The following FAM228B variants were observed in gnomAD, a reference collection of about 807,000 sequenced individuals.
The protein encoded by FAM228B is family with sequence similarity 228 member B, also known as protein FAM228B.
Under a neutral mutation model 42.6 loss-of-function variants are expected in FAM228B, and 38 were observed. The ratio of observed to expected loss-of-function variants is 0.89; its 90% CI spans 0.69 to 1.17. The LOEUF is 1.17. Among genes scored for constraint, FAM228B ranks in the 50% most tolerant of loss-of-function variants. The pLI is 0.00. For synonymous variants in FAM228B, 109 were observed against 122.3 expected, an observed-to-expected ratio of 0.89 and a Z score of 0.72; for missense variants, 344 against 367.3, an observed-to-expected ratio of 0.94 and a Z score of 0.52.
chr2:24,125,163 G>A (rs116475795), intron 2 of FAM228B, among the ~76,000 whole-genome samples: 4,407 of 152,218 alleles, frequency 0.029, 83 homozygotes, highest in African/African-American at 0.055. Context: ...GGTCGCTTGA[G>A]CCCAGGAGTT....
chr2:24,118,968 T>C (rs1666012365), upstream of FAM228B, among the ~76,000 whole-genome samples: 2 of 152,216 alleles, frequency 1.3e-5, no homozygotes, highest in African/African-American at 4.8e-5. Flanking sequence ...CAATTTACCA[T>C]TTATTAAGCT....
intron 7 of FAM228B, among the ~76,000 whole-genome samples, chr2:24,157,759 C>T (rs201506300): frequency 2.5e-4 from 2 of 8,026 alleles, no homozygotes; most frequent in African/African-American, 2.7e-4. Flanking sequence ...AAATTAATAT[C>T]CCAAGCCATA....
chr2:24,161,744 C>A, intron 8 of FAM228B, 131 bp downstream of exon 8: 1 of 638,828 alleles, frequency 1.6e-6, no homozygotes. Context: ...GGCAGGACAC[C>A]GGGCATCTCC....
At position 24,080,173 on chromosome 2, in the gene FAM228B, A is replaced by G. The variant is rs965530400; in HGVS notation, c.-289-703A>G. On this transcript the variant is annotated intron_variant, in intron 1 of 10. Transcript: ENST00000613899. This position sits in a 1 kb window ranked among gnomAD's most constrained non-coding sequence, Gnocchi z 4.7. ...GGAGTTCGAGACCAGCCTGGCCAAC[A>G]TAGTGAAAGCCCGTCTCTACTAAAA... 6.6e-6 allele frequency among the ~76,000 whole-genome samples: 1 copy of G among 152,138 alleles called. No individual in the cohort carries two copies. The highest frequency in any genetic ancestry group is 1.5e-5 in the Non-Finnish European group (1 of 68,016).
rs35038662 is a variant in FAM228B at position 24,115,907 on chromosome 2, CAA to C, written c.-120-19195_-120-19194del. Among the ~76,000 whole-genome samples, 946 of 116,980 alleles carry C rather than the reference CAA, an allele frequency of 8.1e-3. 5 individuals carry two copies. Among genetic ancestry groups the C allele is most frequent in the African/African-American group, 0.021 (630 of 30,530 alleles). The allele number at this position is 116,980 out of a possible 152,430, so 76.7% of individuals were successfully genotyped here. The stretch of plus-strand genomic sequence containing the variant: ...CTGGAGTATGAATTGGGTTCCCATG[CAA>C]AAAAAAAAAAAAAAAAGGATGAATA... On this transcript the variant is annotated intron_variant, in intron 3 of 10. Coordinates refer to the FAM228B transcript ENST00000613899.
At chr2:24,152,150 T>C (rs1042409543) in intron 7 of FAM228B, among the ~76,000 whole-genome samples, 5 of 152,242 alleles carry the variant, frequency 3.3e-5, no homozygotes, top group African/African-American at 1.2e-4. Context: ...ATTACAGGCA[T>C]GAGCCACCAC....
intron 3 of FAM228B, among the ~76,000 whole-genome samples, chr2:24,101,768 C>G (rs934454871): frequency 9.2e-5 from 14 of 152,270 alleles, no homozygotes; most frequent in African/African-American, 3.4e-4. Context: ...CTGCAAGCTC[C>G]GCCTCCCAGA....
chr2:24,093,406 GT>G (rs1558367991), intron 2 of FAM228B, among the ~76,000 whole-genome samples: 1 of 151,944 alleles, frequency 6.6e-6, no homozygotes, highest in Non-Finnish European at 1.5e-5. Flanking sequence ...GCGCTATTTG[GT>G]TTTCTCTTCC....
intron 7 of FAM228B, among the ~76,000 whole-genome samples, chr2:24,149,622 G>A (rs569376546): frequency 1.2e-4 from 19 of 152,116 alleles, no homozygotes; most frequent in African/African-American, 4.3e-4. Context: ...TAGTAGAGAC[G>A]GGGTTTCACC....
upstream of FAM228B, among the ~76,000 whole-genome samples, chr2:24,120,769 G>A (rs1168850791): frequency 6.6e-6 from 1 of 151,962 alleles, no homozygotes; most frequent in African/African-American, 2.4e-5. Flanking sequence ...TAGCTAGGCT[G>A]GTCTTGAACT....
chr2:24,116,182 G>T (rs1224503587), intron 3 of FAM228B, among the ~76,000 whole-genome samples: 3 of 151,996 alleles, frequency 2.0e-5, no homozygotes, highest in Non-Finnish European at 4.4e-5. Flanking sequence ...CAAAAAATTA[G>T]CCAGGCATGG....
intron 10 of FAM228B, chr2:24,167,898 C>T (rs2151034813): frequency 2.1e-6 from 1 of 475,862 alleles, no homozygotes; most frequent in East Asian, 3.5e-5. Context: ...TGGTTTTTCT[C>T]ATGGGGCACT....
At chr2:24,120,283 C>A (rs537049792), upstream of FAM228B, among the ~76,000 whole-genome samples, 79 of 150,952 alleles carry the variant, frequency 5.2e-4, no homozygotes, top group East Asian at 0.013. Context: ...AAAAAAACAA[C>A]AACAAAACAA....
chr2:24,098,447 G>T (rs1043549822), intron 3 of FAM228B, among the ~76,000 whole-genome samples: 6 of 152,104 alleles, frequency 3.9e-5, no homozygotes, highest in Non-Finnish European at 7.4e-5. Context: ...TGATAAAGGG[G>T]ATATCACCAC....
upstream of FAM228B, chr2:24,122,574 A>G: frequency 7.1e-7 from 1 of 1,413,916 alleles, no homozygotes; most frequent in Non-Finnish European, 1.0e-6. Flanking sequence ...AGTTGAAGCC[A>G]TTGACTCTGG....
rs766577650 is a variant in FAM228B, at chr2:24,084,128, G to A, written c.-210+3173G>A. ...TTCACGTCTGGTCAATGTCCACTGA[G>A]TGCTGTTGAGAGGGAGGCTCTGGAG... On this transcript the variant is annotated intron_variant, in intron 2 of 10. Transcript: ENST00000613899. This position sits in a 1 kb window ranked among gnomAD's most constrained non-coding sequence, Gnocchi z 8.4. 11 of 1,556,848 alleles carry A rather than the reference G, an allele frequency of 7.1e-6. No individual in the cohort carries two copies. Among genetic ancestry groups the A allele is most frequent in the Middle Eastern group, 2.3e-4 (1 of 4,402 alleles).
At chr2:24,101,100 C>G (rs1165419403) in intron 3 of FAM228B, among the ~76,000 whole-genome samples, 1 of 152,086 alleles carries the variant, frequency 6.6e-6, no homozygotes, top group East Asian at 1.9e-4. Context: ...ACATCACACA[C>G]CAGGGCCTGT....
intron 7 of FAM228B, among the ~76,000 whole-genome samples, chr2:24,147,413 T>C (rs1327285206): frequency 1.3e-5 from 2 of 152,128 alleles, no homozygotes; most frequent in African/African-American, 2.4e-5. Context: ...TGTGGTTTTA[T>C]GTCTTTTATT....
chr2:24,154,930 G>C (rs374692948), intron 7 of FAM228B, among the ~76,000 whole-genome samples: 5 of 152,258 alleles, frequency 3.3e-5, no homozygotes, highest in African/African-American at 9.6e-5. Context: ...GGCCACAAAT[G>C]GCATTGTGAA....
Sources: allele counts gnomAD v4.1 joint callset (sites outside exome capture counted in the v4.1 genomes callset), GRCh38; gene constraint gnomAD v4.1.1; non-coding constraint Gnocchi (gnomAD v3.1); transcripts MANE v1.5; gene names NCBI Gene and HGNC (gene_info 2026-07-23, HGNC 2026-07-21).